PRPSAP2: variants seen among roughly 807,000 people sequenced by gnomAD.
The protein encoded by PRPSAP2 is phosphoribosyl pyrophosphate synthase-associated protein 2.
PRPSAP2 carries 24 observed loss-of-function variants against 40.6 expected under a neutral mutation model. That is an observed-to-expected ratio of 0.59 (90% CI 0.43 to 0.83). The LOEUF (loss-of-function observed/expected upper bound fraction) is 0.83. Ranked by LOEUF, PRPSAP2 falls within the 40% of genes least tolerant of loss-of-function variation. PRPSAP2 has a pLI of 0.00. For missense variants in PRPSAP2, 292 were observed against 465.6 expected (o/e 0.63, Z 3.43); for synonymous variants, 149 against 164.7 (o/e 0.90, Z 0.73).
intron 8 of PRPSAP2, chr17:18,908,329 G>A (rs946785161): frequency 1.3e-6 from 1 of 776,460 alleles, no homozygotes; most frequent in African/African-American, 1.7e-5. Flanking sequence ...ATGCAGATGA[G>A]TCCAACCATG....
intron 8 of PRPSAP2, among the ~76,000 whole-genome samples, chr17:18,906,837 G>A (rs1285264705): frequency 6.6e-6 from 1 of 152,096 alleles, no homozygotes; most frequent in Admixed American, 6.6e-5. Flanking sequence ...GTGAGCTGCC[G>A]TGCCCAGCCA....
chr17:18,926,852 A>G (rs2042008228), intron 10 of PRPSAP2, among the ~76,000 whole-genome samples: 1 of 151,960 alleles, frequency 6.6e-6, no homozygotes, highest in Non-Finnish European at 1.5e-5. Context: ...TGGAACCACC[A>G]CCACAGTCAG....
chr17:18,885,047 T>C (rs563336505), intron 7 of PRPSAP2, among the ~76,000 whole-genome samples: 1 of 152,246 alleles, frequency 6.6e-6, no homozygotes, highest in African/African-American at 2.4e-5. Flanking sequence ...AGTGCAGGCT[T>C]CTACCTGAGG....
At chr17:18,864,254 G>A (rs2037265262) in intron 1 of PRPSAP2, among the ~76,000 whole-genome samples, 1 of 151,656 alleles carries the variant, frequency 6.6e-6, no homozygotes, top group Non-Finnish European at 1.5e-5. Context: ...GGAGGACCTG[G>A]GATCGAGGCT....
chr17:18,895,513 TG>T (rs2039861482), intron 8 of PRPSAP2, among the ~76,000 whole-genome samples: 1 of 152,040 alleles, frequency 6.6e-6, no homozygotes, highest in South Asian at 2.1e-4. Flanking sequence ...ATTCTGACAT[TG>T]GGCTTTTTCA....
intron 9 of PRPSAP2, among the ~76,000 whole-genome samples, chr17:18,915,627 AAG>A (rs1398067718): frequency 1.3e-5 from 2 of 152,126 alleles, no homozygotes; most frequent in Non-Finnish European, 2.9e-5. Context: ...ATCACATGGC[AAG>A]AGAGGAAACG....
At chr17:18,889,300 AT>A (rs1207197182) in intron 7 of PRPSAP2, among the ~76,000 whole-genome samples, 2 of 152,242 alleles carry the variant, frequency 1.3e-5, no homozygotes, top group Non-Finnish European at 2.9e-5. Context: ...TCATATTAAA[AT>A]TCATTGGTGT....
At chr17:18,929,358 A>AAAAAAT (rs1555566539) in intron 11 of PRPSAP2, among the ~76,000 whole-genome samples, 1 of 144,770 alleles carries the variant, frequency 6.9e-6, no homozygotes, top group African/African-American at 2.6e-5. Context: ...CTCTTGTCTC[A>AAAAAAT]AATAATAATA....
At chr17:18,889,251 G>A (rs2039382671) in intron 7 of PRPSAP2, among the ~76,000 whole-genome samples, 1 of 152,106 alleles carries the variant, frequency 6.6e-6, no homozygotes, top group Non-Finnish European at 1.5e-5. Context: ...TTGTATGGTA[G>A]GCATTGTTTT....
chr17:18,907,395 G>A (rs560955615), intron 8 of PRPSAP2, among the ~76,000 whole-genome samples: 1 of 152,170 alleles, frequency 6.6e-6, no homozygotes, highest in South Asian at 2.1e-4. Context: ...GTGTTTCAAA[G>A]TATATGAAGC....
chr17:18,913,847 G>A (rs2041123309), intron 9 of PRPSAP2, among the ~76,000 whole-genome samples: 2 of 151,406 alleles, frequency 1.3e-5, no homozygotes. Flanking sequence ...CTGGCCGTCT[G>A]GCTTCTTTCT....
intron 9 of PRPSAP2, among the ~76,000 whole-genome samples, chr17:18,914,414 G>C (rs2041178222): frequency 6.8e-6 from 1 of 148,044 alleles, no homozygotes; most frequent in Admixed American, 6.8e-5. Context: ...TGTGCACCAG[G>C]CCTGGCTAAT....
At chr17:18,925,492 G>A (rs2041921123) in intron 10 of PRPSAP2, among the ~76,000 whole-genome samples, 1 of 152,156 alleles carries the variant, frequency 6.6e-6, no homozygotes, top group South Asian at 2.1e-4. Context: ...CACTGTTATT[G>A]AAATTTACCT....
chr17:18,923,522 G>A (rs138756170), intron 9 of PRPSAP2, among the ~76,000 whole-genome samples: 91 of 152,294 alleles, frequency 6.0e-4, no homozygotes, highest in African/African-American at 1.8e-3. Flanking sequence ...ATTAGCTTTG[G>A]TAGGTGGATT....
At chr17:18,901,081 G>A (rs890724040) in intron 8 of PRPSAP2, among the ~76,000 whole-genome samples, 9 of 152,136 alleles carry the variant, frequency 5.9e-5, no homozygotes, top group East Asian at 5.8e-4. Flanking sequence ...TTACTCATGC[G>A]GCGGAAATGT....
At chr17:18,924,597 T>C (rs11651202) in intron 10 of PRPSAP2, among the ~76,000 whole-genome samples, 27,251 of 148,772 alleles carry the variant, frequency 0.18, 2,687 homozygotes, top group African/African-American at 0.25. Flanking sequence ...GGTGAAACCC[T>C]GTCTCTACAA....
In PRPSAP2 at chr17:18,872,786, C is replaced by CT. The variant is rs1157632641; in HGVS notation, c.239+138dup. ...TCTTACCAATTTAGAATTTAGAAAACTAAGTTTTCTGACATAACTGCTGAC... is the reference window on the plus strand; with the variant it reads ...TCTTACCAATTTAGAATTTAGAAAACTTAAGTTTTCTGACATAACTGCTGAC... On this transcript the variant is annotated intron_variant, in intron 5 of 11. Coordinates refer to ENST00000268835, the MANE Select transcript of PRPSAP2 (RefSeq NM_002767.4). 19 of 660,770 alleles carry CT rather than the reference C, an allele frequency of 2.9e-5. 1 individual carries two copies. Among genetic ancestry groups the CT allele is most frequent in the South Asian group, 1.7e-4 (7 of 41,970 alleles). 40.9% of individuals were successfully genotyped at this position (660,770 alleles called of 1,614,324 possible). A position where few individuals can be genotyped will look rare whatever the true frequency, so the allele number is the denominator to read the frequency against.
intron 9 of PRPSAP2, among the ~76,000 whole-genome samples, chr17:18,921,559 A>G (rs2041690534): frequency 6.6e-6 from 1 of 152,066 alleles, no homozygotes; most frequent in African/African-American, 2.4e-5. Flanking sequence ...TTCAATCTAG[A>G]GCAGTGGTTC....
rs976224539 is a variant in PRPSAP2, at chr17:18,871,394, T to A, written c.173-1189T>A. Reference sequence around the variant, plus strand: ...GATTCTTAGTTCAAGGGATTTTTTTTAAAAAATATCTCTTTAGTCTCTTCT... The same window carrying A: ...GATTCTTAGTTCAAGGGATTTTTTTAAAAAAATATCTCTTTAGTCTCTTCT... On this transcript the variant is annotated intron_variant, in intron 4 of 11. Coordinates refer to ENST00000268835, the MANE Select transcript of PRPSAP2 (RefSeq NM_002767.4). 7.2e-5 allele frequency among the ~76,000 whole-genome samples: 11 copies of A among 152,320 alleles called. No individual in the cohort carries two copies. The South Asian group carries it at 8.3e-4, about 11-fold the overall frequency.
Sources: gnomAD v4.1 joint callset for allele counts (sites outside exome capture counted in the v4.1 genomes callset) on GRCh38, gnomAD v4.1.1 for gene constraint, MANE v1.5 for transcripts, NCBI Gene and HGNC (gene_info 2026-07-23, HGNC 2026-07-21) for gene names.